HOXA3: variants seen among roughly 807,000 people sequenced by gnomAD.
HOXA3 encodes homeobox A3.
Under a neutral mutation model 30.3 loss-of-function variants are expected in HOXA3, and 8 were observed. The observed-to-expected ratio is 0.26, with a 90% CI of 0.15 to 0.48. The LOEUF is 0.48. Ranked by LOEUF, HOXA3 falls within the 20% of genes least tolerant of loss-of-function variation. HOXA3 has a pLI of 0.99. For synonymous variants in HOXA3, 323 were observed against 273.1 expected, an observed-to-expected ratio of 1.18 and a Z score of -1.80; for missense variants, 653 against 614.4, an observed-to-expected ratio of 1.06 and a Z score of -0.66.
At chr7:27,112,231 A>T (rs1784417332) in intron 4 of HOXA3, among the ~76,000 whole-genome samples, 1 of 152,234 alleles carries the variant, frequency 6.6e-6, no homozygotes, top group East Asian at 1.9e-4. Context: ...CAAGAAAATT[A>T]TAACAAATTC....
intron 4 of HOXA3, among the ~76,000 whole-genome samples, chr7:27,114,872 T>TATATATATAAAATATATA (rs1784624039): frequency 3.5e-5 from 4 of 112,896 alleles, no homozygotes; most frequent in African/African-American, 1.2e-4. Flanking sequence ...TAATATATAT[T>TATATATATAAAATATATA]ATATATATGT....
chr7:27,147,516 A>G (rs759658560), intron 1 of HOXA3: 2 of 1,614,160 alleles, frequency 1.2e-6, no homozygotes, highest in Non-Finnish European at 8.5e-7. Context: ...CAGAATAGAA[A>G]CACGAGGCCC....
At position 27,107,691 on chromosome 7, in the gene HOXA3, C is replaced by G. The variant is rs1784087751; in HGVS notation, c.*224G>C. 4.6e-6 allele frequency: 2 copies of G among 436,788 alleles called. No homozygotes were observed. The highest frequency in any genetic ancestry group is 4.0e-6 in the Non-Finnish European group (1 of 247,396). 27.1% of individuals were successfully genotyped at this position (436,788 alleles called of 1,614,324 possible). On this transcript the variant is annotated 3_prime_UTR_variant, in exon 6 of 6. Transcript: ENST00000612286. ...GAGGAGCAGGAAGAGATAAATATCGCTATGATACAGCCATTCCAGCAACCA... is the reference window on the plus strand; with the variant it reads ...GAGGAGCAGGAAGAGATAAATATCGGTATGATACAGCCATTCCAGCAACCA...
intron 2 of HOXA3, chr7:27,130,527 G>A: frequency 1.6e-5 from 22 of 1,353,078 alleles, no homozygotes; most frequent in Non-Finnish European, 2.1e-5. Context: ...AGGAGGCAGT[G>A]GGCTCTCGGC....
At chr7:27,145,127 A>T (rs558331752) in intron 1 of HOXA3, among the ~76,000 whole-genome samples, 2 of 152,112 alleles carry the variant, frequency 1.3e-5, no homozygotes, top group South Asian at 4.2e-4. Flanking sequence ...GCGGCTTGGG[A>T]GGCCGCGACA....
In HOXA3 at chr7:27,110,360, G is replaced by A. The variant is rs200842771; in HGVS notation, c.281C>T (p.Pro94Leu). The A allele has an allele frequency of 6.6e-6, 10 of 1,507,248 alleles. No individual in the cohort carries two copies. In the South Asian group the frequency reaches 9.1e-5, roughly 14 times the overall value. The allele number at this position is 1,507,248 out of a possible 1,614,324, so 93.4% of individuals were successfully genotyped here. ...TGGGGCAGGGGGCGCGGCCTGGGGCGGCGGCGGGTGCAGGGGCGGCTCTCC... is the reference window on the plus strand; with the variant it reads ...TGGGGCAGGGGGCGCGGCCTGGGGCAGCGGCGGGTGCAGGGGCGGCTCTCC... The part of the protein sequence containing the change: ...SLGEPPLHPP[P>L]PQAAPPAPQP... The change falls in exon 5 of 6, where the codon CCG becomes CTG. Residue 94 changes from proline (P) to leucine (L), a missense_variant. Around this residue, in one of 3 missense-constraint regions of HOXA3, gnomAD observed 320 missense variants for 321.9 expected, o/e 0.99. Transcript: ENST00000612286.
intron 4 of HOXA3, among the ~76,000 whole-genome samples, chr7:27,111,843 T>C (rs1784397178): frequency 6.6e-6 from 1 of 152,156 alleles, no homozygotes; most frequent in South Asian, 2.1e-4. Context: ...CGATAATAGG[T>C]TCTGTCTTAG....
At chr7:27,125,718 A>G (rs1048574668) in intron 3 of HOXA3, among the ~76,000 whole-genome samples, 1 of 152,274 alleles carries the variant, frequency 6.6e-6, no homozygotes, top group Non-Finnish European at 1.5e-5. Flanking sequence ...CTGCCTGCAC[A>G]GAACCCACTC....
chr7:27,133,899 C>T (rs532926502), intron 2 of HOXA3, among the ~76,000 whole-genome samples: 3 of 152,288 alleles, frequency 2.0e-5, no homozygotes, highest in South Asian at 2.1e-4. Flanking sequence ...ATTTGTTAGA[C>T]GCACTGACCT....
intron 2 of HOXA3, among the ~76,000 whole-genome samples, chr7:27,137,396 C>T (rs1359712504): frequency 2.0e-5 from 3 of 152,172 alleles, no homozygotes; most frequent in East Asian, 1.9e-4. Flanking sequence ...TGGGAACAAA[C>T]GAGCCCCCGC....
chr7:27,151,797 C>A, intron 1 of HOXA3: 3 of 406,612 alleles, frequency 7.4e-6, no homozygotes, highest in South Asian at 5.3e-5. Context: ...TTGCCCTCAC[C>A]TCTTCCCACC....
At chr7:27,150,265 GCTCT>G (rs1446779147) in intron 1 of HOXA3, 1 of 152,096 alleles carries the variant, frequency 6.6e-6, no homozygotes, top group Non-Finnish European at 1.5e-5. Context: ...CCACCCCAGG[GCTCT>G]CTCTCCTCCC....
intron 4 of HOXA3, chr7:27,121,875 G>A (rs1329501275): frequency 1.3e-5 from 2 of 152,628 alleles, no homozygotes; most frequent in Admixed American, 6.5e-5. Context: ...AATTAAGTCA[G>A]AACTTGAAAA....
At position 27,143,181 on chromosome 7, in the gene HOXA3, C is replaced by A. The variant is rs780424975; in HGVS notation, c.-493-2995G>T. 14 of 1,611,190 alleles carry A rather than the reference C, an allele frequency of 8.7e-6. No individual in the cohort carries two copies. In the South Asian group the frequency reaches 1.4e-4, roughly 16 times the overall value. On this transcript the variant is annotated intron_variant, in intron 1 of 5. Coordinates refer to ENST00000612286, the MANE Select transcript of HOXA3 (RefSeq NM_153631.3). ...TCCTCGGCTCCGGACGCCGTGCCAA[C>A]CCCCTCTCTGCTGCTGATGTGGGTG...
At position 27,108,180 on chromosome 7, in the gene HOXA3, C is replaced by A; in HGVS notation, c.1067G>T (p.Gly356Val). 6.4e-7 allele frequency: 1 copy of A among 1,553,432 alleles called. No individual in the cohort carries two copies. The highest frequency in any genetic ancestry group is 8.7e-7 in the Non-Finnish European group (1 of 1,147,660). The change falls in exon 6 of 6, where the codon GGG becomes GTG. Residue 356 changes from glycine (G) to valine (V), a missense_variant. Gly to Val is a moderately radical substitution (Grantham distance 109). Coordinates refer to ENST00000612286, the MANE Select transcript of HOXA3 (RefSeq NM_153631.3). The surrounding 1 kb of genome is among the most constrained non-coding windows in gnomAD (Gnocchi z 5.0). ...GGGGCTTCCCTGTATGTGTGGGGTCCCATAGCTGCCGTTGCCCTGCAGGCC... is the reference window on the plus strand; with the variant it reads ...GGGGCTTCCCTGTATGTGTGGGGTCACATAGCTGCCGTTGCCCTGCAGGCC... ...AHGLQGNGSY[G>V]TPHIQGSPVF...
Position 27,113,574 on chromosome 7 carries a change from C to T in HOXA3, c.-120-2814G>A, listed in dbSNP as rs938972647. 1.3e-5 allele frequency: 2 copies of T among 152,302 alleles called. No individual in the cohort carries two copies. Among genetic ancestry groups the T allele is most frequent in the East Asian group, 1.9e-4 (1 of 5,194 alleles). 9.4% of individuals were successfully genotyped at this position (152,302 alleles called of 1,614,324 possible). On this transcript the variant is annotated intron_variant, in intron 4 of 5. Coordinates refer to ENST00000612286, the MANE Select transcript of HOXA3 (RefSeq NM_153631.3). This position sits in a 1 kb window ranked among gnomAD's most constrained non-coding sequence, Gnocchi z 4.8. ...AGTCTGCAGCCATAAATCACCGAGA[C>T]GTAAACTCCGCCATTCAGCGCCGGG... is the stretch of plus-strand genomic sequence containing the variant.
At chr7:27,134,578 G>A (rs1249693884) in intron 2 of HOXA3, among the ~76,000 whole-genome samples, 2 of 152,324 alleles carry the variant, frequency 1.3e-5, no homozygotes, top group South Asian at 2.1e-4. Flanking sequence ...TCATCGAGGG[G>A]TTTCAGTTTT....
intron 2 of HOXA3, among the ~76,000 whole-genome samples, chr7:27,127,341 C>A (rs1785328603): frequency 6.6e-6 from 1 of 152,164 alleles, no homozygotes; most frequent in Admixed American, 6.5e-5. Flanking sequence ...AGACTGGTAT[C>A]TATCACTTTC....
At position 27,108,217 on chromosome 7, in the gene HOXA3, G is replaced by C; in HGVS notation, c.1030C>G (p.Pro344Ala). Residue 344 changes from proline to alanine, a missense_variant, in exon 6 of 6, where the codon CCG becomes GCG. Physicochemically the swap from Pro to Ala is conservative, Grantham distance 27. This residue lies in a region of HOXA3 where 330 missense variants were observed against 274.4 expected (regional missense o/e 1.20). Transcript: ENST00000612286. This position sits in a 1 kb window ranked among gnomAD's most constrained non-coding sequence, Gnocchi z 5.0. Reference sequence around the variant, plus strand: ...TTGCCCTGCAGGCCATGAGCGTGCGGGTCATAGTCGGGGGTGCCCCCTGCG... The same window carrying C: ...TTGCCCTGCAGGCCATGAGCGTGCGCGTCATAGTCGGGGGTGCCCCCTGCG... ...AGAGGTPDYD[P>A]HAHGLQGNGS... 2 of 1,528,286 alleles carry C rather than the reference G, an allele frequency of 1.3e-6. No homozygotes were observed. Among genetic ancestry groups the C allele is most frequent in the Non-Finnish European group, 1.8e-6 (2 of 1,137,672 alleles). The allele number at this position is 1,528,286 out of a possible 1,614,324, so 94.7% of individuals were successfully genotyped here. A position where few individuals can be genotyped will look rare whatever the true frequency, so the allele number is the denominator to read the frequency against.
Sources: allele counts gnomAD v4.1 joint callset (sites outside exome capture counted in the v4.1 genomes callset), GRCh38; gene constraint gnomAD v4.1.1; regional missense constraint gnomAD v4.1.1; non-coding constraint Gnocchi (gnomAD v3.1); transcripts MANE v1.5; gene names NCBI Gene and HGNC (gene_info 2026-07-23, HGNC 2026-07-21).